Variants in MOB3B observed in about 807,000 individuals in gnomAD.
The protein encoded by MOB3B is MOB kinase activator-like 2B.
MOB3B carries 7 observed loss-of-function variants against 18.7 expected under a neutral mutation model. The ratio of observed to expected loss-of-function variants is 0.37; its 90% CI spans 0.21 to 0.70. The LOEUF (loss-of-function observed/expected upper bound fraction) is 0.70, where lower values mean the gene tolerates loss of function less well. MOB3B is among the 30% of genes least tolerant of loss of function. MOB3B has a pLI of 0.52. For synonymous variants in MOB3B, 111 were observed against 99.9 expected, an observed-to-expected ratio of 1.11 and a Z score of -0.66; for missense variants, 253 against 281.3, an observed-to-expected ratio of 0.90 and a Z score of 0.72.
rs576247901 is a variant in MOB3B at position 27,359,379 on chromosome 9, G to T, written c.419-143C>A. Reference sequence around the variant, plus strand: ...GGAGTCATAGGGAGTGTGTGTGTGTGGGGGGGGGGGGTTGGTAGCAAACTA... The same window carrying T: ...GGAGTCATAGGGAGTGTGTGTGTGTTGGGGGGGGGGGTTGGTAGCAAACTA... On this transcript the variant is annotated intron_variant, in intron 2 of 3. Coordinates refer to ENST00000262244, the MANE Select transcript of MOB3B (RefSeq NM_024761.5). 61 of 183,848 alleles carry T rather than the reference G, an allele frequency of 3.3e-4. 1 individual carries two copies. Among genetic ancestry groups the T allele is most frequent in the South Asian group, 1.3e-3 (12 of 9,408 alleles). 11.4% of individuals were successfully genotyped at this position (183,848 alleles called of 1,614,324 possible). A position where few individuals can be genotyped will look rare whatever the true frequency, so the allele number is the denominator to read the frequency against.
intron 1 of MOB3B, among the ~76,000 whole-genome samples, chr9:27,471,907 AAG>A (rs1279243315): frequency 6.6e-6 from 1 of 152,166 alleles, no homozygotes; most frequent in African/African-American, 2.4e-5. Flanking sequence ...ACAGTAGGTG[AAG>A]AGAGGTTAGC....
chr9:27,517,251 T>A (rs555455599), intron 1 of MOB3B, among the ~76,000 whole-genome samples: 1 of 152,196 alleles, frequency 6.6e-6, no homozygotes, highest in African/African-American at 2.4e-5. Flanking sequence ...TTTTCCCTTG[T>A]ATTCTTGGAA....
At chr9:27,524,708 C>A (rs1250234610) in intron 1 of MOB3B, 1 of 1,613,904 alleles carries the variant, frequency 6.2e-7, no homozygotes, top group East Asian at 2.2e-5. Flanking sequence ...AAGCAGAGTA[C>A]CTGAACCAAT....
intron 2 of MOB3B, among the ~76,000 whole-genome samples, chr9:27,433,973 C>G (rs1380606981): frequency 1.3e-5 from 2 of 152,122 alleles, no homozygotes. Context: ...GAAACAAGAG[C>G]AGGAGGTGGA....
At chr9:27,450,030 C>T (rs890063135) in intron 2 of MOB3B, among the ~76,000 whole-genome samples, 1 of 148,598 alleles carries the variant, frequency 6.7e-6, no homozygotes, top group Non-Finnish European at 1.5e-5. Context: ...CAATCATAAA[C>T]TCAACTCCCC....
chr9:27,342,396 C>G (rs1820956043), intron 3 of MOB3B, among the ~76,000 whole-genome samples: 1 of 152,174 alleles, frequency 6.6e-6, no homozygotes, highest in South Asian at 2.1e-4. Flanking sequence ...GGAGTGAACT[C>G]TACATGCCTA....
chr9:27,411,754 G>A (rs930389365), intron 2 of MOB3B, among the ~76,000 whole-genome samples: 3 of 152,172 alleles, frequency 2.0e-5, no homozygotes, highest in African/African-American at 7.2e-5. Flanking sequence ...CGTTTTGGGG[G>A]ATATATGACA....
intron 1 of MOB3B, among the ~76,000 whole-genome samples, chr9:27,465,811 C>T (rs1046993312): frequency 6.6e-6 from 1 of 152,216 alleles, no homozygotes; most frequent in Non-Finnish European, 1.5e-5. Flanking sequence ...ACCCTGAGCT[C>T]TACGTTGGCC....
intron 2 of MOB3B, among the ~76,000 whole-genome samples, chr9:27,424,891 A>G (rs1326620077): frequency 6.6e-6 from 1 of 152,228 alleles, no homozygotes; most frequent in East Asian, 1.9e-4. Flanking sequence ...GAAACCTTCC[A>G]GAAACTGTCC....
At chr9:27,416,602 G>C (rs1297512378) in intron 2 of MOB3B, among the ~76,000 whole-genome samples, 3 of 134,234 alleles carry the variant, frequency 2.2e-5, no homozygotes, top group African/African-American at 5.4e-5. Flanking sequence ...ATCTAGTCTG[G>C]AGTGGAATGC....
intron 1 of MOB3B, among the ~76,000 whole-genome samples, chr9:27,495,475 G>C (rs148482005): frequency 4.6e-5 from 7 of 152,186 alleles, no homozygotes; most frequent in African/African-American, 7.2e-5. Context: ...ACCATAGCTC[G>C]TGCCACACTG....
At position 27,519,848 on chromosome 9, in the gene MOB3B, A is replaced by G. The variant is rs541955807; in HGVS notation, c.-199+9707T>C. ...CTGGCCCCAAATGAGGCTGACCCCA[A>G]TGCTGAGGCAGTGAGAATGAGTGAA... is the stretch of plus-strand genomic sequence containing the variant. On this transcript the variant is annotated intron_variant, in intron 1 of 3. Coordinates refer to ENST00000262244, the MANE Select transcript of MOB3B (RefSeq NM_024761.5). Among the ~76,000 whole-genome samples the G allele has an allele frequency of 2.6e-4, 39 of 152,056 alleles. No homozygotes were observed. In the East Asian group the frequency reaches 3.7e-3, roughly 14 times the overall value.
At chr9:27,529,426 C>A (rs1820496523) in intron 1 of MOB3B, 129 bp downstream of exon 1, 1 of 481,270 alleles carries the variant, frequency 2.1e-6, no homozygotes, top group Non-Finnish European at 2.7e-6. Flanking sequence ...ACCGGTCCGC[C>A]GCCTCCCGCA....
intron 2 of MOB3B, among the ~76,000 whole-genome samples, chr9:27,365,494 G>A (rs12551051): frequency 6.6e-6 from 1 of 151,280 alleles, no homozygotes. Flanking sequence ...TTTGGAGTTA[G>A]ATTTTGACTA....
At chr9:27,336,609 A>G (rs769432876) in intron 3 of MOB3B, among the ~76,000 whole-genome samples, 3 of 152,130 alleles carry the variant, frequency 2.0e-5, no homozygotes, top group Non-Finnish European at 4.4e-5. Flanking sequence ...GGGTTAAAGC[A>G]GGGCAGTGAG....
chr9:27,346,182 G>A (rs1464076336), intron 3 of MOB3B, among the ~76,000 whole-genome samples: 1 of 152,198 alleles, frequency 6.6e-6, no homozygotes, highest in Non-Finnish European at 1.5e-5. Flanking sequence ...CTTTCAGGCA[G>A]AGAGCAAACC....
chr9:27,402,382 C>T (rs1321458679), intron 2 of MOB3B, among the ~76,000 whole-genome samples: 4 of 152,176 alleles, frequency 2.6e-5, no homozygotes, highest in African/African-American at 9.7e-5. Flanking sequence ...CAGCACTTCA[C>T]AGATAGAAGG....
At chr9:27,389,414 T>TTACTTGAACATGCTGAGAGCTTCTC (rs2131380511) in intron 2 of MOB3B, among the ~76,000 whole-genome samples, 1 of 150,508 alleles carries the variant, frequency 6.6e-6, no homozygotes, top group Admixed American at 6.6e-5. Context: ...TTCTTTCCAA[T>TTACTTGAACATGCTGAGAGCTTCTC]TACTTGAACA....
intron 1 of MOB3B, among the ~76,000 whole-genome samples, chr9:27,458,329 C>T (rs1819219513): frequency 1.3e-5 from 2 of 151,992 alleles, no homozygotes; most frequent in Non-Finnish European, 2.9e-5. Context: ...TTGTGGATGC[C>T]ATCAACAAAC....
Sources: gnomAD v4.1 joint callset for allele counts (sites outside exome capture counted in the v4.1 genomes callset) on GRCh38, gnomAD v4.1.1 for gene constraint, MANE v1.5 for transcripts, NCBI Gene and HGNC (gene_info 2026-07-23, HGNC 2026-07-21) for gene names.